SRRM3: variants seen among roughly 807,000 people sequenced by gnomAD.
The protein encoded by SRRM3 is serine/arginine repetitive matrix protein 3.
Under a neutral mutation model 66.2 loss-of-function variants are expected in SRRM3, and 27 were observed. That is an observed-to-expected ratio of 0.41 (90% CI 0.30 to 0.56). SRRM3 has a LOEUF of 0.56. SRRM3 is among the 20% of genes least tolerant of loss of function. The pLI, the probability that SRRM3 is intolerant of heterozygous loss-of-function variation, is 0.32. For synonymous variants in SRRM3, 391 were observed against 414.9 expected, an observed-to-expected ratio of 0.94 and a Z score of 0.70; for missense variants, 918 against 991.9, an observed-to-expected ratio of 0.93 and a Z score of 1.00.
chr7:76,216,590 G>C (rs1800576427), intron 1 of SRRM3, among the ~76,000 whole-genome samples: 1 of 152,208 alleles, frequency 6.6e-6, no homozygotes, highest in African/African-American at 2.4e-5. Context: ...CAGTACACTG[G>C]AGGTGCATAC....
intron 1 of SRRM3, among the ~76,000 whole-genome samples, chr7:76,216,722 AG>A (rs1800579264): frequency 6.6e-6 from 1 of 152,154 alleles, no homozygotes; most frequent in South Asian, 2.1e-4. Context: ...CTAGCTTGGG[AG>A]GGGATGACAT....
chr7:76,209,164 G>A (rs987889633), intron 1 of SRRM3, among the ~76,000 whole-genome samples: 1 of 152,146 alleles, frequency 6.6e-6, no homozygotes, highest in Non-Finnish European at 1.5e-5. Context: ...ACCCTTTGAG[G>A]GGGTTAGACT....
At chr7:76,258,233 C>T (rs1554608021) in intron 3 of SRRM3, among the ~76,000 whole-genome samples, 4 of 151,810 alleles carry the variant, frequency 2.6e-5, no homozygotes. Flanking sequence ...GAGGGGAGGG[C>T]GAGGAGAGGC....
intron 1 of SRRM3, among the ~76,000 whole-genome samples, chr7:76,224,846 G>C (rs572188123): frequency 6.6e-6 from 1 of 152,128 alleles, no homozygotes; most frequent in Non-Finnish European, 1.5e-5. Context: ...AGCGCCATTA[G>C]AGGTAATTGA....
chr7:76,226,035 C>T (rs917955793), intron 1 of SRRM3, among the ~76,000 whole-genome samples: 46 of 152,298 alleles, frequency 3.0e-4, no homozygotes, highest in Non-Finnish European at 5.3e-4. Context: ...ATTCCCTCTC[C>T]CCCAGACCTG....
intron 1 of SRRM3, among the ~76,000 whole-genome samples, chr7:76,210,110 A>G (rs1800393263): frequency 6.6e-6 from 1 of 152,172 alleles, no homozygotes; most frequent in Admixed American, 6.5e-5. Flanking sequence ...GTACCACTGA[A>G]AGGGGGTACA....
intron 3 of SRRM3, 38 bp from the exon 4 acceptor site, chr7:76,259,868 G>A: frequency 1.3e-6 from 2 of 1,598,832 alleles, no homozygotes; most frequent in Non-Finnish European, 1.7e-6. Flanking sequence ...AAGAAAAGTC[G>A]TCCCGAGACT....
chr7:76,265,237 G>T, intron 9 of SRRM3, 127 bp from the exon 10 acceptor site: 1 of 617,808 alleles, frequency 1.6e-6, no homozygotes, highest in African/African-American at 1.9e-5. Context: ...GACTTTAGGG[G>T]ACTGATGAAC....
intron 1 of SRRM3, among the ~76,000 whole-genome samples, chr7:76,209,493 A>G (rs1446759441): frequency 1.3e-5 from 2 of 152,046 alleles, no homozygotes; most frequent in Admixed American, 1.3e-4. Flanking sequence ...GAGGTATGAA[A>G]CCTCCTGGCT....
chr7:76,220,898 C>A (rs912489471), intron 1 of SRRM3, among the ~76,000 whole-genome samples: 5 of 152,264 alleles, frequency 3.3e-5, no homozygotes, highest in Non-Finnish European at 4.4e-5. Context: ...TCCCCTCCCC[C>A]CACCGCGTCT....
rs1331972758 is a variant in SRRM3, at chr7:76,259,809, C to T, written c.336-97C>T. 5.1e-6 allele frequency: 8 copies of T among 1,571,370 alleles called. No homozygotes were observed. The Admixed American group carries it at 6.8e-5, about 13-fold the overall frequency. On this transcript the variant is annotated intron_variant, in intron 3 of 14. Transcript: ENST00000611745. Reference sequence around the variant, plus strand: ...CCCCTCCCCCAGCCGGGTAGCAGCCCGCAGACTTGCGGGGCTAGGTCAGGC... The same window carrying T: ...CCCCTCCCCCAGCCGGGTAGCAGCCTGCAGACTTGCGGGGCTAGGTCAGGC...
chr7:76,266,864 G>A (rs1208926544), intron 10 of SRRM3, among the ~76,000 whole-genome samples: 1 of 151,322 alleles, frequency 6.6e-6, no homozygotes, highest in Admixed American at 6.6e-5. Flanking sequence ...GCGGAGATGG[G>A]ATTTCGCCAT....
Position 76,261,573 on chromosome 7 carries a change from A to T in SRRM3, c.666A>T (p.Arg222Ser). 6.2e-7 allele frequency: 1 copy of T among 1,611,678 alleles called. No homozygotes were observed. The change falls in exon 8 of 15, where the codon AGA becomes AGT. Residue 222 changes from arginine (R) to serine (S), a missense_variant. By Grantham distance (110) the Arg-to-Ser change is moderately radical (BLOSUM62 -1). Transcript: ENST00000611745. ...CTGATTCTGGGTCCCGGAGGAAGAG[A>T]CGGCACAGGTGAGCGGCGCTTTGCA... ...DRSDSGSRRK[R>S]RHRSRSSKCK...
intron 1 of SRRM3, among the ~76,000 whole-genome samples, chr7:76,209,660 A>G (rs1800382441): frequency 6.6e-6 from 1 of 151,098 alleles, no homozygotes; most frequent in East Asian, 1.9e-4. Flanking sequence ...GCTGGAGTGC[A>G]ATAGTGAGAT....
intron 2 of SRRM3, among the ~76,000 whole-genome samples, chr7:76,236,439 G>A (rs1349880118): frequency 2.0e-5 from 3 of 151,870 alleles, no homozygotes; most frequent in Admixed American, 6.6e-5. Flanking sequence ...TTCCCTACAC[G>A]GGGTGGGGGG....
intron 3 of SRRM3, among the ~76,000 whole-genome samples, chr7:76,256,304 C>T (rs57299754): frequency 4.6e-5 from 7 of 152,052 alleles, no homozygotes; most frequent in Non-Finnish European, 1.0e-4. Context: ...GTCAGGAGTT[C>T]GAGACCAGCC....
In SRRM3 at chr7:76,282,856, A is replaced by C. The variant is rs1554612197; in HGVS notation, c.1579A>C (p.Lys527Gln). The change falls in exon 13 of 15, where the codon AAG becomes CAG. Residue 527 changes from lysine (K) to glutamine (Q), a missense_variant. Lys to Gln is a moderately conservative substitution (Grantham distance 53). Coordinates refer to ENST00000611745, the MANE Select transcript of SRRM3 (RefSeq NM_001110199.3). ...CAGCCCCAGCCGCTCGCCGTCGCCC[A>C]AGAAGCCCCTCAGCCGGTGAGTGCC... ...PHSPSRSPSP[K>Q]KPLSRDKDGE... 6.9e-7 allele frequency: 1 copy of C among 1,452,314 alleles called. No individual in the cohort carries two copies. The highest frequency in any genetic ancestry group is 2.5e-5 in the Admixed American group (1 of 39,704). 90.0% of individuals were successfully genotyped at this position (1,452,314 alleles called of 1,614,324 possible). A position where few individuals can be genotyped will look rare whatever the true frequency, so the allele number is the denominator to read the frequency against.
intron 11 of SRRM3, chr7:76,273,100 T>C (rs1802252096): frequency 6.6e-6 from 1 of 152,608 alleles, no homozygotes; most frequent in South Asian, 2.1e-4. Flanking sequence ...TCTCTGTTTC[T>C]GTTTGCTTCT....
intron 1 of SRRM3, among the ~76,000 whole-genome samples, chr7:76,214,554 C>CTA (rs1234616100): frequency 1.3e-5 from 2 of 152,124 alleles, no homozygotes; most frequent in Non-Finnish European, 2.9e-5. Flanking sequence ...TGTCACCATG[C>CTA]TAACAGCTGG....
Sources: allele counts gnomAD v4.1 joint callset (sites outside exome capture counted in the v4.1 genomes callset), GRCh38; gene constraint gnomAD v4.1.1; transcripts MANE v1.5; gene names NCBI Gene and HGNC (gene_info 2026-07-23, HGNC 2026-07-21).